Variants in DRG2 observed in about 807,000 individuals in gnomAD.
DRG2 encodes the protein developmentally regulated GTP binding protein 2, also known as developmentally-regulated GTP-binding protein 2.
In DRG2, 36 loss-of-function variants were observed where a neutral mutation model predicts 53.4. That is an observed-to-expected ratio of 0.67 (90% CI 0.52 to 0.89). The LOEUF is 0.89. Ranked by LOEUF, DRG2 falls within the 40% of genes least tolerant of loss-of-function variation. The probability of loss-of-function intolerance (pLI) is 0.00; values close to 1 mark genes in which losing one functional copy is unlikely to be tolerated. For synonymous variants in DRG2, 167 were observed against 192.1 expected (o/e 0.87, Z 1.08); for missense variants, 342 against 481.2 (o/e 0.71, Z 2.71).
chr17:18,098,385 G>A lies in DRG2; in HGVS notation c.315+26G>A. 1 of 1,602,490 alleles carries A rather than the reference G, an allele frequency of 6.2e-7. No individual in the cohort carries two copies. The highest frequency in any genetic ancestry group is 8.5e-7 in the Non-Finnish European group (1 of 1,169,672). On this transcript the variant is annotated intron_variant, in intron 3 of 12. Transcript: ENST00000225729. The surrounding 1 kb of genome is among the most constrained non-coding windows in gnomAD (Gnocchi z 4.1). ...GTAAGTGGGTGTGCTGGGCCCAGAA[G>A]GAGAAGGGGCGCATGCTTGTGTTTG...
intron 10 of DRG2, 48 bp from the exon 11 acceptor site, chr17:18,104,575 G>T (rs1001599269): frequency 3.1e-6 from 5 of 1,612,876 alleles, no homozygotes; most frequent in Non-Finnish European, 4.2e-6. Context: ...CAAGATGGCA[G>T]TGTGGGCCCT....
Position 18,100,148 on chromosome 17 carries a change from C to A in DRG2, c.468-215C>A. On this transcript the variant is annotated intron_variant, in intron 5 of 12. Transcript: ENST00000225729. The surrounding 1 kb of genome is among the most constrained non-coding windows in gnomAD (Gnocchi z 4.1). ...TCCACCACTTGCCTGTGCATGCCGA[C>A]CGTAAACCGGGCCAGTCCCCTCTGG... 1.6e-6 allele frequency: 1 copy of A among 611,206 alleles called. No individual in the cohort carries two copies. Among genetic ancestry groups the A allele is most frequent in the Non-Finnish European group, 2.9e-6 (1 of 346,464 alleles). 37.9% of individuals were successfully genotyped at this position (611,206 alleles called of 1,614,324 possible).
rs571212789 is a variant in DRG2 at position 18,103,767 on chromosome 17, G to C, written c.807-34G>C. On this transcript the variant is annotated intron_variant, in intron 9 of 12. Coordinates refer to ENST00000225729, the MANE Select transcript of DRG2 (RefSeq NM_001388.5). This position sits in a 1 kb window ranked among gnomAD's most constrained non-coding sequence, Gnocchi z 4.4. ...GACCCCAGCCTCTGAATTCACAGGG[G>C]CCCCTGCCTGACTGGCCGCCTCCCT... 6 of 1,608,464 alleles carry C rather than the reference G, an allele frequency of 3.7e-6. No homozygotes were observed. The highest frequency in any genetic ancestry group is 5.1e-6 in the Non-Finnish European group (6 of 1,175,150).
chr17:18,106,470 A>G lies in DRG2; in HGVS notation c.992A>G (p.Lys331Arg), dbSNP rs773134952. 2 of 1,613,986 alleles carry G rather than the reference A, an allele frequency of 1.2e-6. No individual in the cohort carries two copies. The highest frequency in any genetic ancestry group is 1.7e-6 in the Non-Finnish European group (2 of 1,179,912). Residue 331 changes from lysine to arginine, a missense_variant, in exon 12 of 13, where the codon AAG becomes AGG. Transcript: ENST00000225729. Reference protein sequence around the residue: ...RIHRSLASQFKYALVWGTSTK... With the variant: ...RIHRSLASQFRYALVWGTSTK... ...CACCGGTCACTCGCCAGCCAGTTCA[A>G]GTACGCCCTGGTGTGGGTGAGTCTC... is the stretch of plus-strand genomic sequence containing the variant.
Position 18,098,055 on chromosome 17 carries a change from A to G in DRG2, c.226-215A>G, listed in dbSNP as rs2045463548. On this transcript the variant is annotated intron_variant, in intron 2 of 12. Transcript: ENST00000225729. The surrounding 1 kb of genome is among the most constrained non-coding windows in gnomAD (Gnocchi z 4.1). ...TACCTGAGACAGTCCTGAGGCCTCC[A>G]AGGAACAGATGGGCCTCTGGTGTCT... is the stretch of plus-strand genomic sequence containing the variant. 8.3e-6 allele frequency: 4 copies of G among 481,530 alleles called. No homozygotes were observed. Among genetic ancestry groups the G allele is most frequent in the Non-Finnish European group, 1.2e-5 (3 of 260,714 alleles). The allele number at this position is 481,530 out of a possible 1,614,324, so 29.8% of individuals were successfully genotyped here.
chr17:18,089,103 A>T (rs2045267722), intron 1 of DRG2, among the ~76,000 whole-genome samples: 1 of 151,966 alleles, frequency 6.6e-6, no homozygotes, highest in Non-Finnish European at 1.5e-5. Flanking sequence ...AAGGCCAAGG[A>T]GTTGAGGGCC....
chr17:18,103,841 C>G lies in DRG2; in HGVS notation c.847C>G (p.Leu283Val), dbSNP rs200341268. The change falls in exon 10 of 13, where the codon CTT becomes GTT. Residue 283 changes from leucine to valine, a missense_variant. Coordinates refer to ENST00000225729, the MANE Select transcript of DRG2 (RefSeq NM_001388.5). The surrounding 1 kb of genome is among the most constrained non-coding windows in gnomAD (Gnocchi z 4.4). ...GAACCTGGACTATCTGCTGGAGATG[C>G]TTTGGGAGTACTTGGCCCTGACCTG... ...KLNLDYLLEM[L>V]WEYLALTCIY... The G allele has an allele frequency of 2.6e-4, 419 of 1,612,634 alleles. No individual in the cohort carries two copies. The highest frequency in any genetic ancestry group is 3.4e-4 in the Non-Finnish European group (397 of 1,179,510).
intron 1 of DRG2, 130 bp downstream of exon 1, chr17:18,088,217 C>T: frequency 8.4e-7 from 1 of 1,185,402 alleles, no homozygotes; most frequent in East Asian, 2.7e-5. Context: ...AGACAAGTGC[C>T]GAGGCCGCCC....
chr17:18,102,419 G>A (rs1009936522), intron 9 of DRG2, among the ~76,000 whole-genome samples: 4 of 152,008 alleles, frequency 2.6e-5, no homozygotes, highest in African/African-American at 7.3e-5. Context: ...TCAGGAGATC[G>A]AGACTATCCT....
rs777028639 is a variant in DRG2 at position 18,103,771 on chromosome 17, C to A, written c.807-30C>A. 1.9e-6 allele frequency: 3 copies of A among 1,612,444 alleles called. No individual in the cohort carries two copies. In the East Asian group the frequency reaches 6.7e-5, roughly 36 times the overall value. ...CCAGCCTCTGAATTCACAGGGGCCC[C>A]TGCCTGACTGGCCGCCTCCCTCTTT... On this transcript the variant is annotated intron_variant, in intron 9 of 12. Transcript: ENST00000225729. The surrounding 1 kb of genome is among the most constrained non-coding windows in gnomAD (Gnocchi z 4.4).
At chr17:18,089,274 A>G (rs1213689722) in intron 1 of DRG2, among the ~76,000 whole-genome samples, 1 of 152,116 alleles carries the variant, frequency 6.6e-6, no homozygotes, top group East Asian at 1.9e-4. Flanking sequence ...AATAGCTGGG[A>G]TTACAGGCAC....
intron 1 of DRG2, among the ~76,000 whole-genome samples, chr17:18,090,390 ATATATATATATATATATTTTT>A (rs1401684447): frequency 9.5e-5 from 1 of 10,526 alleles, no homozygotes; most frequent in African/African-American, 6.8e-4. Flanking sequence ...ATATATATAT[ATATATATATATATATATTTTT>A]TTTTTTTTTT....
intron 11 of DRG2, 36 bp downstream of exon 11, chr17:18,104,717 A>C: frequency 6.2e-7 from 1 of 1,613,596 alleles, no homozygotes; most frequent in Middle Eastern, 1.7e-4. Context: ...AAGGGGTGGG[A>C]GCTCTGCATG....
intron 11 of DRG2, chr17:18,106,014 T>G (rs2045624168): frequency 9.5e-6 from 2 of 211,458 alleles, no homozygotes; most frequent in South Asian, 1.7e-4. Flanking sequence ...TGATGTGATG[T>G]GTGGGAAGCT....
At position 18,098,513 on chromosome 17, in the gene DRG2, G is replaced by T. The variant is rs1299260486; in HGVS notation, c.315+154G>T. The T allele has an allele frequency of 4.9e-5, 32 of 647,876 alleles. No homozygotes were observed. The South Asian group carries it at 5.8e-4, about 12-fold the overall frequency. The allele number at this position is 647,876 out of a possible 1,614,324, so 40.1% of individuals were successfully genotyped here. The stretch of plus-strand genomic sequence containing the variant: ...TTTGCCCTCCAGCACTGACACTTCT[G>T]GGGATCCTAGCTGCTGGACCCCAGA... On this transcript the variant is annotated intron_variant, in intron 3 of 12. Coordinates refer to ENST00000225729, the MANE Select transcript of DRG2 (RefSeq NM_001388.5). This position sits in a 1 kb window ranked among gnomAD's most constrained non-coding sequence, Gnocchi z 4.1.
intron 10 of DRG2, among the ~76,000 whole-genome samples, 174 bp downstream of exon 10, chr17:18,104,063 G>C (rs77011715): frequency 6.6e-6 from 1 of 152,276 alleles, no homozygotes; most frequent in East Asian, 1.9e-4. Context: ...AGGGTACCCT[G>C]GTGGGGCAAG....
intron 8 of DRG2, 72 bp downstream of exon 8, chr17:18,101,662 AC>A (rs761214861): frequency 6.9e-7 from 1 of 1,458,816 alleles, no homozygotes; most frequent in Non-Finnish European, 9.6e-7. Context: ...AGCTCCCGGA[AC>A]CTTGTGAGAG....
chr17:18,103,889 C>T lies in DRG2; in HGVS notation c.895C>T (p.Gln299Ter), dbSNP rs769190229. ...LTCIYTKKRG[Q>*]RPDFTDAIIL... is the part of the protein sequence containing the mutation. Reference sequence around the variant, plus strand: ...CTGCATCTACACCAAGAAGAGAGGACGTGAGTTGCACTGCGCGTAGCTGAA... The same window carrying T: ...CTGCATCTACACCAAGAAGAGAGGATGTGAGTTGCACTGCGCGTAGCTGAA... The change falls in exon 10 of 13, where the codon CAG becomes TAG. Residue 299 changes from glutamine (Q) to a stop codon, truncating the protein, a stop_gained and splice_region_variant. Transcript: ENST00000225729. LOFTEE classifies it high-confidence loss of function. The surrounding 1 kb of genome is among the most constrained non-coding windows in gnomAD (Gnocchi z 4.4). 7.4e-6 allele frequency: 12 copies of T among 1,613,796 alleles called. No individual in the cohort carries two copies. The highest frequency in any genetic ancestry group is 1.3e-5 in the African/African-American group (1 of 74,940).
Position 18,099,137 on chromosome 17 carries a change from T to C in DRG2, c.376+60T>C, listed in dbSNP as rs1486797975. 3.1e-6 allele frequency: 5 copies of C among 1,607,606 alleles called. No homozygotes were observed. The African/African-American group carries it at 4.0e-5, about 13-fold the overall frequency. ...GGAGCTCTGTTACTGATCGTTGAAATTGGGTGTGGCTGTCATGGAGATCAC... is the reference window on the plus strand; with the variant it reads ...GGAGCTCTGTTACTGATCGTTGAAACTGGGTGTGGCTGTCATGGAGATCAC... On this transcript the variant is annotated intron_variant, in intron 4 of 12. Transcript: ENST00000225729. This position sits in a 1 kb window ranked among gnomAD's most constrained non-coding sequence, Gnocchi z 4.4.
Sources: gnomAD v4.1 joint callset for allele counts (sites outside exome capture counted in the v4.1 genomes callset) on GRCh38, gnomAD v4.1.1 for gene constraint, Gnocchi (gnomAD v3.1) non-coding constraint, MANE v1.5 for transcripts, NCBI Gene and HGNC (gene_info 2026-07-23, HGNC 2026-07-21) for gene names.